The following CNTN5 variants were observed in gnomAD, a reference collection of about 807,000 sequenced individuals.
CNTN5 encodes the protein contactin 5.
In CNTN5, 77 loss-of-function variants were observed where a neutral mutation model predicts 129.1. That is an observed-to-expected ratio of 0.60 (90% CI 0.50 to 0.72). CNTN5 has a LOEUF of 0.72. Among genes scored for constraint, CNTN5 ranks in the 30% least tolerant of loss-of-function variants. The probability of loss-of-function intolerance (pLI) is 0.00; values close to 1 mark genes in which losing one functional copy is unlikely to be tolerated. For synonymous variants in CNTN5, 509 were observed against 465.6 expected, an observed-to-expected ratio of 1.09 and a Z score of -1.20; for missense variants, 1,478 against 1,328.8, an observed-to-expected ratio of 1.11 and a Z score of -1.75.
intron 1 of CNTN5, among the ~76,000 whole-genome samples, chr11:99,251,829 A>G (rs546602315): frequency 6.6e-6 from 1 of 151,998 alleles, no homozygotes; most frequent in African/African-American, 2.4e-5. Flanking sequence ...TCCTTTATCC[A>G]TGGCTATATG....
intron 3 of CNTN5, among the ~76,000 whole-genome samples, chr11:99,674,152 A>T (rs1054417232): frequency 6.6e-6 from 1 of 152,144 alleles, no homozygotes; most frequent in African/African-American, 2.4e-5. Flanking sequence ...TAGCCATTCT[A>T]ACTGATGTGA....
intron 7 of CNTN5, among the ~76,000 whole-genome samples, chr11:99,945,218 A>G (rs1950527314): frequency 6.6e-6 from 1 of 152,074 alleles, no homozygotes; most frequent in African/African-American, 2.4e-5. Flanking sequence ...ACTACTCCTA[A>G]ACTGCAATTT....
chr11:99,699,375 A>G (rs1483681911), intron 3 of CNTN5, among the ~76,000 whole-genome samples: 1 of 151,554 alleles, frequency 6.6e-6, no homozygotes, highest in African/African-American at 2.4e-5. Context: ...TTGAGTTTTT[A>G]TCACTCTTTA....
intron 2 of CNTN5, among the ~76,000 whole-genome samples, chr11:99,506,151 T>C (rs947149317): frequency 3.9e-5 from 6 of 152,242 alleles, no homozygotes; most frequent in African/African-American, 7.2e-5. Context: ...TTTTGATCCA[T>C]GAATCTGAAT....
intron 13 of CNTN5, among the ~76,000 whole-genome samples, chr11:100,189,842 T>C (rs1311213026): frequency 1.3e-5 from 2 of 152,174 alleles, no homozygotes; most frequent in African/African-American, 4.8e-5. Context: ...TCACCATTTC[T>C]AGTTTGACTT....
chr11:100,337,235 T>C, intron 21 of CNTN5: 3 of 1,539,198 alleles, frequency 1.9e-6, no homozygotes, highest in Non-Finnish European at 9.0e-7. Context: ...TATGTGAAAG[T>C]GGCAGGCCAC....
intron 13 of CNTN5, among the ~76,000 whole-genome samples, chr11:100,185,398 C>A (rs768037913): frequency 2.6e-5 from 4 of 152,128 alleles, no homozygotes; most frequent in African/African-American, 9.7e-5. Context: ...CTGCAGTATA[C>A]CCCAAGAGAC....
In CNTN5 at chr11:99,814,488, T is replaced by C. The variant is rs116281301; in HGVS notation, c.56-5056T>C. Among the ~76,000 whole-genome samples, 632 of 152,222 alleles carry C rather than the reference T, an allele frequency of 4.2e-3. 10 individuals are homozygous for C. Among genetic ancestry groups the C allele is most frequent in the African/African-American group, 0.014 (596 of 41,530 alleles). On this transcript the variant is annotated intron_variant, in intron 3 of 24. Coordinates refer to ENST00000524871, the MANE Select transcript of CNTN5 (RefSeq NM_014361.4). ...CCCACTGGAAGTCAGTTATCACACATTGAGTTCTTTCAGCATGATACTGTA... is the reference window on the plus strand; with the variant it reads ...CCCACTGGAAGTCAGTTATCACACACTGAGTTCTTTCAGCATGATACTGTA...
chr11:99,279,940 C>T (rs1231950951), intron 1 of CNTN5, among the ~76,000 whole-genome samples: 1 of 150,958 alleles, frequency 6.6e-6, no homozygotes, highest in Non-Finnish European at 1.5e-5. Context: ...GGGGGAGACA[C>T]AATCTGAGGT....
chr11:99,708,430 A>G (rs1263735372), intron 3 of CNTN5, among the ~76,000 whole-genome samples: 7 of 151,648 alleles, frequency 4.6e-5, no homozygotes, highest in Non-Finnish European at 8.9e-5. Context: ...GTCACAGTCA[A>G]TCAGTCAACA....
intron 17 of CNTN5, among the ~76,000 whole-genome samples, chr11:100,259,353 T>C (rs757477006): frequency 3.9e-5 from 6 of 152,046 alleles, no homozygotes; most frequent in Non-Finnish European, 8.8e-5. Flanking sequence ...AGTGGGAGAC[T>C]TTAACACCCC....
intron 8 of CNTN5, among the ~76,000 whole-genome samples, chr11:99,987,127 C>T (rs1938733355): frequency 6.6e-6 from 1 of 151,994 alleles, no homozygotes; most frequent in African/African-American, 2.4e-5. Flanking sequence ...TATTCCCTAG[C>T]TCCTATGCCA....
chr11:99,687,674 G>A (rs1034066039), intron 3 of CNTN5, among the ~76,000 whole-genome samples: 1 of 152,172 alleles, frequency 6.6e-6, no homozygotes, highest in African/African-American at 2.4e-5. Context: ...AGGTGGCTCA[G>A]TGATAATTGA....
intron 1 of CNTN5, among the ~76,000 whole-genome samples, chr11:99,259,141 G>T (rs1862514802): frequency 6.6e-6 from 1 of 151,780 alleles, no homozygotes; most frequent in African/African-American, 2.4e-5. Context: ...ATATATGTAT[G>T]CATAAGGTAT....
intron 21 of CNTN5, among the ~76,000 whole-genome samples, chr11:100,330,355 C>T (rs1258522386): frequency 6.6e-6 from 1 of 152,148 alleles, no homozygotes; most frequent in Non-Finnish European, 1.5e-5. Flanking sequence ...CCTAAGAATA[C>T]TTGATGTTCC....
intron 2 of CNTN5, among the ~76,000 whole-genome samples, chr11:99,545,423 A>G (rs1948257890): frequency 6.6e-6 from 1 of 152,210 alleles, no homozygotes; most frequent in Non-Finnish European, 1.5e-5. Flanking sequence ...AGCCAACAAT[A>G]ACCAAGCATA....
chr11:99,187,552 T>A lies in CNTN5; in HGVS notation c.-209-137794T>A, dbSNP rs577769500. On this transcript the variant is annotated intron_variant, in intron 1 of 24. Transcript: ENST00000524871. The stretch of plus-strand genomic sequence containing the variant: ...ACAAATTTAATATCAATGTTTTAAC[T>A]ACTTCAATTTTATGTATTCTTATGA... Among the ~76,000 whole-genome samples, 20 of 152,058 alleles carry A rather than the reference T, an allele frequency of 1.3e-4. No homozygotes were observed. The South Asian group carries it at 4.1e-3, about 32-fold the overall frequency.
At chr11:99,645,944 A>T (rs538856402) in intron 3 of CNTN5, among the ~76,000 whole-genome samples, 3 of 152,178 alleles carry the variant, frequency 2.0e-5, no homozygotes, top group Non-Finnish European at 4.4e-5. Flanking sequence ...TTAAAGTATA[A>T]CTTAAAAAAT....
At chr11:100,343,328 G>T (rs1384917229) in intron 23 of CNTN5, among the ~76,000 whole-genome samples, 4 of 152,144 alleles carry the variant, frequency 2.6e-5, no homozygotes, top group African/African-American at 9.7e-5. Context: ...AGGAAGAATT[G>T]ATTCGTATAA....
Sources: allele counts gnomAD v4.1 joint callset (sites outside exome capture counted in the v4.1 genomes callset), GRCh38; gene constraint gnomAD v4.1.1; transcripts MANE v1.5; gene names NCBI Gene and HGNC (gene_info 2026-07-23, HGNC 2026-07-21).